The following FMNL2 variants were observed in gnomAD, a reference collection of about 807,000 sequenced individuals.
FMNL2 encodes the protein formin like 2, also known as formin-like protein 2.
FMNL2 carries 51 observed loss-of-function variants against 130.2 expected under a neutral mutation model. The observed-to-expected ratio is 0.39, with a 90% CI of 0.31 to 0.49. The LOEUF is 0.49. Ranked by LOEUF, FMNL2 falls within the 20% of genes least tolerant of loss-of-function variation. FMNL2 has a pLI of 0.85. For missense variants in FMNL2, 977 were observed against 1,316.2 expected (o/e 0.74, Z 3.99); for synonymous variants, 465 against 467.1 (o/e 1.00, Z 0.06).
intron 1 of FMNL2, among the ~76,000 whole-genome samples, chr2:152,488,475 A>G (rs1050044142): frequency 1.3e-5 from 2 of 152,238 alleles, no homozygotes; most frequent in African/African-American, 4.8e-5. Flanking sequence ...ACACAAGAAA[A>G]ACTGAGATAA....
At chr2:152,558,114 A>T (rs1031801087) in intron 4 of FMNL2, among the ~76,000 whole-genome samples, 1 of 152,354 alleles carries the variant, frequency 6.6e-6, no homozygotes, top group African/African-American at 2.4e-5. Context: ...TGAATTTTTT[A>T]AAAAACCTGA....
At chr2:152,533,232 T>A (rs1346374609) in intron 2 of FMNL2, among the ~76,000 whole-genome samples, 1 of 152,216 alleles carries the variant, frequency 6.6e-6, no homozygotes, top group Non-Finnish European at 1.5e-5. Flanking sequence ...TCTATTTTGA[T>A]ATGTGGGATG....
intron 1 of FMNL2, among the ~76,000 whole-genome samples, chr2:152,353,459 T>C (rs2105784465): frequency 6.6e-6 from 1 of 152,350 alleles, no homozygotes; most frequent in Non-Finnish European, 1.5e-5. Context: ...TTCTCTAGGT[T>C]GCAAGCATCA....
chr2:152,619,578 C>G lies in FMNL2; in HGVS notation c.1697C>G (p.Pro566Arg). The G allele has an allele frequency of 2.7e-6, 3 of 1,125,798 alleles. No individual in the cohort carries two copies. Among genetic ancestry groups the G allele is most frequent in the South Asian group, 1.3e-5 (1 of 76,104 alleles). The allele number at this position is 1,125,798 out of a possible 1,614,324, so 69.7% of individuals were successfully genotyped here. Residue 566 changes from proline to arginine, a missense_variant, in exon 15 of 26, where the codon CCA becomes CGA. Physicochemically the swap from Pro to Arg is moderately radical, Grantham distance 103. Around this residue, in one of 4 missense-constraint regions of FMNL2, gnomAD observed 689 missense variants for 995.9 expected, o/e 0.69. Coordinates refer to ENST00000288670, the MANE Select transcript of FMNL2 (RefSeq NM_052905.4). ...PPPPPPPPPP[P>R]PPPPPPPLPG... ...CCCCCTCCTCCACCTCCTCCTCCCC[C>G]ACCGCCCCCTCCGCCTCCTCCTCTC...
At chr2:152,429,133 C>G (rs147836671) in intron 1 of FMNL2, among the ~76,000 whole-genome samples, 208 of 150,180 alleles carry the variant, frequency 1.4e-3, no homozygotes, top group African/African-American at 5.0e-3. Context: ...CCGTGTTTAC[C>G]TACGTAACAA....
intron 1 of FMNL2, among the ~76,000 whole-genome samples, chr2:152,516,675 G>C (rs1368760225): frequency 6.6e-6 from 1 of 152,130 alleles, no homozygotes; most frequent in Non-Finnish European, 1.5e-5. Flanking sequence ...GTAAAAGAAG[G>C]ATTTTACAAG....
intron 1 of FMNL2, among the ~76,000 whole-genome samples, chr2:152,352,493 A>G (rs1682553128): frequency 6.6e-6 from 1 of 152,272 alleles, no homozygotes; most frequent in Non-Finnish European, 1.5e-5. Context: ...TTATGTAAAT[A>G]TAAGCTATAT....
At chr2:152,630,523 G>A (rs955272856) in intron 20 of FMNL2, among the ~76,000 whole-genome samples, 9 of 152,162 alleles carry the variant, frequency 5.9e-5, no homozygotes, top group Non-Finnish European at 1.2e-4. Flanking sequence ...ATGTGAATAA[G>A]ACTAGAGAAA....
At chr2:152,353,552 A>G (rs1347471000) in intron 1 of FMNL2, among the ~76,000 whole-genome samples, 1 of 152,202 alleles carries the variant, frequency 6.6e-6, no homozygotes, top group African/African-American at 2.4e-5. Flanking sequence ...AAGCTTGTTT[A>G]TGATCTTGGA....
intron 1 of FMNL2, among the ~76,000 whole-genome samples, chr2:152,408,829 G>A (rs2105991258): frequency 6.6e-6 from 1 of 152,198 alleles, no homozygotes; most frequent in South Asian, 2.1e-4. Context: ...TGGTCGTATG[G>A]GTACTGGAAT....
chr2:152,376,328 G>A (rs1010321597), intron 1 of FMNL2, among the ~76,000 whole-genome samples: 6 of 152,156 alleles, frequency 3.9e-5, no homozygotes, highest in Non-Finnish European at 4.4e-5. Context: ...TCTTATACAC[G>A]TTTTTGTGTG....
chr2:152,410,818 C>T (rs1004992848), intron 1 of FMNL2, among the ~76,000 whole-genome samples: 1 of 152,186 alleles, frequency 6.6e-6, no homozygotes, highest in Admixed American at 6.5e-5. Context: ...TGAGACCCCC[C>T]CTTGGGAGAG....
At chr2:152,380,106 C>T (rs530877042) in intron 1 of FMNL2, among the ~76,000 whole-genome samples, 1 of 152,284 alleles carries the variant, frequency 6.6e-6, no homozygotes, top group East Asian at 1.9e-4. Context: ...TTATAGCATT[C>T]ATCACATTTT....
Position 152,336,142 on chromosome 2 carries a change from C to T in FMNL2, c.117+422C>T, listed in dbSNP as rs1681427548. On this transcript the variant is annotated intron_variant, in intron 1 of 25. Coordinates refer to ENST00000288670, the MANE Select transcript of FMNL2 (RefSeq NM_052905.4). The stretch of plus-strand genomic sequence containing the variant: ...CAAAACACCCTGAGCCCCTGCGGAC[C>T]ATCCCTCGGGCGGCCAGCCCGGGAC... Among the ~76,000 whole-genome samples the T allele has an allele frequency of 2.6e-5, 4 of 151,212 alleles. No individual in the cohort carries two copies. In the South Asian group the frequency reaches 8.3e-4, roughly 31 times the overall value.
intron 9 of FMNL2, among the ~76,000 whole-genome samples, chr2:152,599,405 C>CTTTTTTTTTTTTTTTTTTT (rs35753197): frequency 2.2e-5 from 1 of 45,086 alleles, no homozygotes; most frequent in African/African-American, 7.7e-5. Flanking sequence ...TGAAGGTCAT[C>CTTTTTTTTTTTTTTTTTTT]TTTTTTTTTT....
intron 1 of FMNL2, among the ~76,000 whole-genome samples, chr2:152,475,476 G>A (rs1045307829): frequency 1.3e-5 from 2 of 151,324 alleles, no homozygotes; most frequent in African/African-American, 4.9e-5. Flanking sequence ...AGTTTTTTTT[G>A]GTTTCATTTT....
chr2:152,533,941 C>G (rs1413425103), intron 2 of FMNL2, among the ~76,000 whole-genome samples: 1 of 152,034 alleles, frequency 6.6e-6, no homozygotes. Flanking sequence ...AACCTCCCAC[C>G]ACTTCATTTA....
chr2:152,473,479 A>G (rs1023071389), intron 1 of FMNL2, among the ~76,000 whole-genome samples: 1 of 152,210 alleles, frequency 6.6e-6, no homozygotes, highest in African/African-American at 2.4e-5. Context: ...CACTCTTTCC[A>G]GGGAATATAG....
chr2:152,603,197 A>G (rs1211671149), intron 9 of FMNL2, among the ~76,000 whole-genome samples: 1 of 152,108 alleles, frequency 6.6e-6, no homozygotes, highest in Non-Finnish European at 1.5e-5. Context: ...TGAGTTCATT[A>G]GTTGAGATTG....
Sources: gnomAD v4.1 joint callset for allele counts (sites outside exome capture counted in the v4.1 genomes callset) on GRCh38, gnomAD v4.1.1 for gene constraint, gnomAD v4.1.1 regional missense constraint, MANE v1.5 for transcripts, NCBI Gene and HGNC (gene_info 2026-07-23, HGNC 2026-07-21) for gene names.